STX17: variants seen among roughly 807,000 people sequenced by gnomAD.
STX17 encodes the protein syntaxin 17, also known as syntaxin-17.
A neutral mutation model predicts 35.9 loss-of-function variants in STX17; 29 were observed. The ratio of observed to expected loss-of-function variants is 0.81; its 90% confidence interval spans 0.60 to 1.10. The LOEUF (loss-of-function observed/expected upper bound fraction) is 1.10, where lower values mean the gene tolerates loss of function less well. Among genes scored for constraint, STX17 ranks in the 50% least tolerant of loss-of-function variants. The pLI is 0.00. For synonymous variants in STX17, 92 were observed against 118.3 expected (o/e 0.78, Z 1.44); for missense variants, 312 against 352.3 (o/e 0.89, Z 0.92).
chr9:99,967,097 T>TGAAA (rs1212586505), intron 6 of STX17, among the ~76,000 whole-genome samples: 10 of 152,200 alleles, frequency 6.6e-5, no homozygotes, highest in Admixed American at 2.6e-4. Context: ...AGTGATTTCA[T>TGAAA]TCACTGTTCC....
chr9:99,907,028 C>G (rs1828564533), intron 1 of STX17: 1 of 152,270 alleles, frequency 6.6e-6, no homozygotes, highest in Non-Finnish European at 1.5e-5. Context: ...GCCAGGGTCG[C>G]TGGCGTCTGG....
At chr9:99,919,098 G>A (rs1375220215) in intron 2 of STX17, among the ~76,000 whole-genome samples, 3 of 152,132 alleles carry the variant, frequency 2.0e-5, no homozygotes, top group Non-Finnish European at 2.9e-5. Flanking sequence ...CCTCTCCAGA[G>A]GCTGTCTTCT....
intron 1 of STX17, among the ~76,000 whole-genome samples, chr9:99,909,668 G>C (rs938848175): frequency 3.3e-5 from 5 of 152,088 alleles, no homozygotes; most frequent in Admixed American, 6.5e-5. Context: ...GAAATGCAAT[G>C]AGTACAAAAA....
intron 1 of STX17, among the ~76,000 whole-genome samples, chr9:99,910,171 T>G (rs1387678468): frequency 6.6e-6 from 1 of 151,384 alleles, no homozygotes; most frequent in East Asian, 1.9e-4. Flanking sequence ...GGGCGGAGGT[T>G]GCAGTGAGCT....
In STX17 at chr9:99,952,003, A is replaced by G. The variant is rs185957723; in HGVS notation, c.415+718A>G. Among the ~76,000 whole-genome samples the G allele has an allele frequency of 1.7e-4, 26 of 152,090 alleles. 1 individual carries two copies. The East Asian group carries it at 4.0e-3, about 24-fold the overall frequency. On this transcript the variant is annotated intron_variant, in intron 4 of 7. Coordinates refer to ENST00000259400, the MANE Select transcript of STX17 (RefSeq NM_017919.3). Reference sequence around the variant, plus strand: ...TTAGAGCCAAAATTTTTAGCCACCAAAAGTCAGATTTTTAAACCTATCCTA... The same window carrying G: ...TTAGAGCCAAAATTTTTAGCCACCAGAAGTCAGATTTTTAAACCTATCCTA...
intron 3 of STX17, among the ~76,000 whole-genome samples, chr9:99,942,795 T>C (rs962837444): frequency 6.6e-6 from 1 of 152,200 alleles, no homozygotes; most frequent in African/African-American, 2.4e-5. Context: ...AACTTCATTT[T>C]TTTTCCCATC....
At chr9:99,934,807 T>TAGCC (rs1410500236) in intron 3 of STX17, among the ~76,000 whole-genome samples, 1 of 152,232 alleles carries the variant, frequency 6.6e-6, no homozygotes, top group Non-Finnish European at 1.5e-5. Context: ...AATATATGCA[T>TAGCC]AGCCACTCTT....
chr9:99,959,456 C>CTTT (rs35078503), intron 4 of STX17, among the ~76,000 whole-genome samples: 47 of 111,056 alleles, frequency 4.2e-4, no homozygotes, highest in Middle Eastern at 5.3e-3. Flanking sequence ...ATGGATAAAT[C>CTTT]TTTTTTTTTT....
chr9:99,952,598 G>T (rs1301643220), intron 4 of STX17, among the ~76,000 whole-genome samples: 2 of 152,012 alleles, frequency 1.3e-5, no homozygotes, highest in Non-Finnish European at 2.9e-5. Flanking sequence ...TATTGTGGCA[G>T]TATTCACAAT....
Position 99,959,927 on chromosome 9 carries a change from T to C in STX17, c.426T>C (p.His142=). The change falls in exon 5 of 8, where the codon CAT becomes CAC. Residue 142 remains histidine, a synonymous_variant. Transcript: ENST00000259400. The part of the protein sequence containing the change: ...TRSMTVGGAF[H]TTEAEASSQS... Reference sequence around the variant, plus strand: ...ATTATGTTCATCCAGGAGCATTTCATACTACTGAAGCTGAAGCTAGTTCTC... The same window carrying C: ...ATTATGTTCATCCAGGAGCATTTCACACTACTGAAGCTGAAGCTAGTTCTC... 2 of 1,611,452 alleles carry C rather than the reference T, an allele frequency of 1.2e-6. No individual in the cohort carries two copies. Among genetic ancestry groups the C allele is most frequent in the Non-Finnish European group, 1.7e-6 (2 of 1,178,808 alleles).
chr9:99,968,117 A>G (rs1169665310), intron 7 of STX17, among the ~76,000 whole-genome samples: 3 of 152,178 alleles, frequency 2.0e-5, no homozygotes, highest in Non-Finnish European at 4.4e-5. Context: ...TGCAACATAA[A>G]AGCTTTGGGG....
chr9:99,939,271 A>G (rs1829302833), intron 3 of STX17, among the ~76,000 whole-genome samples: 1 of 152,230 alleles, frequency 6.6e-6, no homozygotes, highest in African/African-American at 2.4e-5. Context: ...AGAAGATACA[A>G]GAGTGGATTC....
At chr9:99,934,822 A>G in intron 3 of STX17, among the ~76,000 whole-genome samples, 1 of 152,244 alleles carries the variant, frequency 6.6e-6, no homozygotes, top group Non-Finnish European at 1.5e-5. Flanking sequence ...ACTCTTAATC[A>G]TTAAATACAT....
At chr9:99,926,706 G>A (rs896307686) in intron 2 of STX17, among the ~76,000 whole-genome samples, 1 of 152,082 alleles carries the variant, frequency 6.6e-6, no homozygotes, top group Non-Finnish European at 1.5e-5. Flanking sequence ...CACCATATTA[G>A]CCAGGATGGT....
At chr9:99,958,379 T>G (rs1180458836) in intron 4 of STX17, among the ~76,000 whole-genome samples, 1 of 152,194 alleles carries the variant, frequency 6.6e-6, no homozygotes, top group Non-Finnish European at 1.5e-5. Context: ...CAGTTCTTAT[T>G]AGACTATACT....
At position 99,951,172 on chromosome 9, in the gene STX17, C is replaced by A; in HGVS notation, c.302C>A (p.Ala101Glu). The change falls in exon 4 of 8, where the codon GCA becomes GAA. Residue 101 changes from alanine (A) to glutamate (E), a missense_variant. Transcript: ENST00000259400. ...CCTGTTAAAGAAGAAGCATCAGCAG[C>A]AACAGCAGAATTTCTCCAACTCCAT... is the stretch of plus-strand genomic sequence containing the variant. The part of the protein sequence containing the change: ...IDPVKEEASA[A>E]TAEFLQLHLE... 6.2e-7 allele frequency: 1 copy of A among 1,613,076 alleles called. No homozygotes were observed. Among genetic ancestry groups the A allele is most frequent in the Non-Finnish European group, 8.5e-7 (1 of 1,179,244 alleles).
rs1829794327 is a variant in STX17, at chr9:99,959,991, C to T, written c.490C>T (p.Gln164Ter). ...GATATATGCCTTACCTGAAATTCCTCAAGATCAAAATGCTGCAGAATCGTG... is the reference window on the plus strand; with the variant it reads ...GATATATGCCTTACCTGAAATTCCTTAAGATCAAAATGCTGCAGAATCGTG... The part of the protein sequence containing the change: ...TQIYALPEIP[Q>*]DQNAAESWET... The change falls in exon 5 of 8, where the codon CAA (glutamine) becomes TAA (stop). Residue 164 changes from glutamine (Q) to a stop codon, truncating the protein, a stop_gained. Coordinates refer to ENST00000259400, the MANE Select transcript of STX17 (RefSeq NM_017919.3). LOFTEE classifies it high-confidence loss of function. The T allele has an allele frequency of 1.2e-6, 2 of 1,613,994 alleles. No individual in the cohort carries two copies. The highest frequency in any genetic ancestry group is 2.2e-5 in the East Asian group (1 of 44,854).
chr9:99,967,676 CATTG>C lies in STX17; in HGVS notation c.607_610del (p.Ile203GlnfsTer9), dbSNP rs1184273169. 4 of 1,613,722 alleles carry C rather than the reference CATTG, an allele frequency of 2.5e-6. No individual in the cohort carries two copies. Among genetic ancestry groups the C allele is most frequent in the Non-Finnish European group, 3.4e-6 (4 of 1,179,884 alleles). On this transcript the variant is annotated frameshift_variant, in exon 7 of 8. Coordinates refer to ENST00000259400, the MANE Select transcript of STX17 (RefSeq NM_017919.3). LOFTEE classifies it high-confidence loss of function. ...AGTCTCAGCAGGAGAAGATTGACAGCATTGCAGACCATGTCAACAGTGCTGCTGT... is the reference window on the plus strand; with the variant it reads ...AGTCTCAGCAGGAGAAGATTGACAGCCAGACCATGTCAACAGTGCTGCTGT...
intron 1 of STX17, chr9:99,907,234 C>T (rs1052635844): frequency 6.6e-6 from 1 of 152,242 alleles, no homozygotes; most frequent in Non-Finnish European, 1.5e-5. Flanking sequence ...CACCTTGGCT[C>T]CCTCCTTTTA....
Sources: gnomAD v4.1 joint callset for allele counts (sites outside exome capture counted in the v4.1 genomes callset) on GRCh38, gnomAD v4.1.1 for gene constraint, MANE v1.5 for transcripts, NCBI Gene and HGNC (gene_info 2026-07-23, HGNC 2026-07-21) for gene names.